Variants in NCAM2 observed in about 807,000 individuals in gnomAD.
NCAM2 encodes N-CAM-2.
Under a neutral mutation model 98.1 loss-of-function variants are expected in NCAM2, and 30 were observed. The ratio of observed to expected loss-of-function variants is 0.31; its 90% confidence interval spans 0.23 to 0.41. NCAM2 has a LOEUF of 0.41. Ranked by LOEUF, NCAM2 falls within the 10% of genes least tolerant of loss-of-function variation. The pLI, the probability that NCAM2 is intolerant of heterozygous loss-of-function variation, is 1.00. For missense variants in NCAM2, 867 were observed against 1,005.8 expected (o/e 0.86, Z 1.87); for synonymous variants, 368 against 342.4 (o/e 1.07, Z -0.83).
At position 21,457,556 on chromosome 21, in the gene NCAM2, C is replaced by T. The variant is rs371925370; in HGVS notation, c.1655-9050C>T. Among the ~76,000 whole-genome samples the T allele has an allele frequency of 4.6e-5, 7 of 151,934 alleles. 1 individual carries two copies. The East Asian group carries it at 1.2e-3, about 25-fold the overall frequency. On this transcript the variant is annotated intron_variant, in intron 12 of 17. Coordinates refer to ENST00000400546, the MANE Select transcript of NCAM2 (RefSeq NM_004540.5). ...TCAGGAGGCTGAGGCAAGATAATTG[C>T]TTGAACCCAGGAGGCAGAGGTTGCA...
At chr21:21,297,754 G>A (rs756117760) in intron 5 of NCAM2, among the ~76,000 whole-genome samples, 19 of 151,096 alleles carry the variant, frequency 1.3e-4, no homozygotes, top group African/African-American at 4.6e-4. Context: ...GGCTCATATA[G>A]ATGAAAGACC....
chr21:21,383,653 G>GTAC (rs1171735686), intron 9 of NCAM2, among the ~76,000 whole-genome samples: 1 of 151,944 alleles, frequency 6.6e-6, no homozygotes, highest in African/African-American at 2.4e-5. Flanking sequence ...TAGTGAAGAT[G>GTAC]TACTATCTTG....
chr21:21,195,053 A>T (rs2068956987), intron 1 of NCAM2, among the ~76,000 whole-genome samples: 1 of 152,194 alleles, frequency 6.6e-6, no homozygotes, highest in South Asian at 2.1e-4. Context: ...AATGATAATG[A>T]AAGGAGTAGA....
intron 1 of NCAM2, among the ~76,000 whole-genome samples, chr21:21,146,344 T>C (rs1044555350): frequency 1.3e-5 from 2 of 151,576 alleles, no homozygotes; most frequent in African/African-American, 4.8e-5. Context: ...AGAGGGAAAA[T>C]TGTCTTTCTG....
intron 11 of NCAM2, among the ~76,000 whole-genome samples, chr21:21,420,578 A>G (rs1388056378): frequency 6.6e-6 from 1 of 152,026 alleles, no homozygotes; most frequent in Non-Finnish European, 1.5e-5. Flanking sequence ...TTTTATATTA[A>G]GTTCAGAAAA....
At chr21:21,248,200 T>C (rs949202414) in intron 1 of NCAM2, among the ~76,000 whole-genome samples, 1 of 152,186 alleles carries the variant, frequency 6.6e-6, no homozygotes, top group African/African-American at 2.4e-5. Context: ...AAAAGTCCAA[T>C]TGACTTGTTT....
intron 5 of NCAM2, among the ~76,000 whole-genome samples, chr21:21,316,533 CTTTTTTTT>C (rs34341259): frequency 9.0e-6 from 1 of 110,900 alleles, no homozygotes; most frequent in Non-Finnish European, 1.7e-5. Flanking sequence ...ATCTTTTATT[CTTTTTTTT>C]TTTTTTTTTT....
intron 1 of NCAM2, among the ~76,000 whole-genome samples, chr21:21,211,605 CA>C (rs1335517600): frequency 6.6e-6 from 1 of 152,188 alleles, no homozygotes; most frequent in African/African-American, 2.4e-5. Context: ...AAAAACAAAA[CA>C]AACAACACAA....
At chr21:21,175,046 G>GT (rs527579826) in intron 1 of NCAM2, among the ~76,000 whole-genome samples, 47 of 151,434 alleles carry the variant, frequency 3.1e-4, no homozygotes, top group African/African-American at 9.0e-4. Context: ...CAGTAATAAA[G>GT]TTTTTTTTTC....
chr21:21,472,976 A>G (rs1173127952), intron 14 of NCAM2, among the ~76,000 whole-genome samples: 3 of 116,962 alleles, frequency 2.6e-5, no homozygotes, highest in Admixed American at 1.6e-4. Flanking sequence ...GTACACACAC[A>G]CACACACACA....
chr21:21,015,615 G>A (rs971074070), intron 1 of NCAM2, among the ~76,000 whole-genome samples: 4 of 152,144 alleles, frequency 2.6e-5, no homozygotes, highest in South Asian at 2.1e-4. Flanking sequence ...GTGTTACTTA[G>A]TTTATTGTGA....
chr21:21,328,675 A>G (rs1191200085), intron 6 of NCAM2, among the ~76,000 whole-genome samples: 6 of 152,052 alleles, frequency 3.9e-5, no homozygotes, highest in South Asian at 4.1e-4. Context: ...CAGCTATACA[A>G]TGTGTTTGTA....
chr21:21,353,702 C>T (rs1413037886), intron 8 of NCAM2, among the ~76,000 whole-genome samples: 2 of 152,150 alleles, frequency 1.3e-5, no homozygotes, highest in African/African-American at 2.4e-5. Context: ...TCAAATTTTT[C>T]CTCTGTGGGA....
intron 1 of NCAM2, among the ~76,000 whole-genome samples, chr21:21,091,062 C>T (rs1235415054): frequency 6.6e-6 from 1 of 152,032 alleles, no homozygotes; most frequent in Non-Finnish European, 1.5e-5. Context: ...AAGAAGAGAC[C>T]TCTGGTCTCT....
At chr21:21,517,052 C>A (rs1988753064) in intron 16 of NCAM2, among the ~76,000 whole-genome samples, 1 of 152,154 alleles carries the variant, frequency 6.6e-6, no homozygotes, top group South Asian at 2.1e-4. Context: ...AACAAAATGG[C>A]AGTAATTGAG....
At chr21:21,510,836 A>G (rs1441750227) in intron 16 of NCAM2, among the ~76,000 whole-genome samples, 1 of 152,070 alleles carries the variant, frequency 6.6e-6, no homozygotes, top group Non-Finnish European at 1.5e-5. Context: ...TGTACAGTTT[A>G]ATAAATATTC....
At chr21:21,422,436 C>A (rs923802047) in intron 11 of NCAM2, among the ~76,000 whole-genome samples, 1 of 152,038 alleles carries the variant, frequency 6.6e-6, no homozygotes, top group Non-Finnish European at 1.5e-5. Flanking sequence ...ACCCCCTACA[C>A]CTATAAAAAT....
rs9974379 is a variant in NCAM2, at chr21:21,518,855, C to T, written c.2282+9800C>T. 2.4e-3 allele frequency among the ~76,000 whole-genome samples: 367 copies of T among 152,010 alleles called. 4 individuals carry two copies. Among genetic ancestry groups the T allele is most frequent in the African/African-American group, 8.7e-3 (361 of 41,508 alleles). ...ATTGTGGAAGATGGCAGTTAATAAA[C>T]GTTAACTAAAAATGAAATGTCCAGT... On this transcript the variant is annotated intron_variant, in intron 16 of 17. Coordinates refer to ENST00000400546, the MANE Select transcript of NCAM2 (RefSeq NM_004540.5).
chr21:21,015,168 A>G (rs1216952564), intron 1 of NCAM2, among the ~76,000 whole-genome samples: 1 of 152,236 alleles, frequency 6.6e-6, no homozygotes, highest in Non-Finnish European at 1.5e-5. Context: ...TATAAACATT[A>G]TTTAGAATAT....
Sources: allele counts gnomAD v4.1 joint callset (sites outside exome capture counted in the v4.1 genomes callset), GRCh38; gene constraint gnomAD v4.1.1; transcripts MANE v1.5; gene names NCBI Gene and HGNC (gene_info 2026-07-23, HGNC 2026-07-21).